The following SEC14L4 variants were observed in gnomAD, a reference collection of about 807,000 sequenced individuals.
SEC14L4 encodes SEC14-like protein 4.
SEC14L4 carries 42 observed loss-of-function variants against 55.1 expected under a neutral mutation model. That is an observed-to-expected ratio of 0.76 (90% CI 0.60 to 0.99). The LOEUF (loss-of-function observed/expected upper bound fraction) is 0.99, where lower values mean the gene tolerates loss of function less well. SEC14L4 is among the 50% of genes least tolerant of loss of function. SEC14L4 has a pLI of 0.00. For missense variants in SEC14L4, 445 were observed against 512.1 expected (o/e 0.87, Z 1.27); for synonymous variants, 206 against 206.8 (o/e 1.00, Z 0.03).
intron 1 of SEC14L4, among the ~76,000 whole-genome samples, chr22:30,503,986 T>C (rs1351524087): frequency 6.6e-6 from 1 of 152,102 alleles, no homozygotes; most frequent in African/African-American, 2.4e-5. Flanking sequence ...ACTCCCATTC[T>C]ACATGTCTAA....
In SEC14L4 at chr22:30,489,556, T is replaced by A; in HGVS notation, c.*551A>T. ...CGCCCAGTCCATTTCCAATTTTCCA[T>A]CCAGTGGTGGCAGAACAAACTTGGA... is the stretch of plus-strand genomic sequence containing the variant. On this transcript the variant is annotated 3_prime_UTR_variant, in exon 12 of 12. Coordinates refer to ENST00000255858, the MANE Select transcript of SEC14L4 (RefSeq NM_174977.4). 2.0e-6 allele frequency: 1 copy of A among 507,212 alleles called. No homozygotes were observed. The highest frequency in any genetic ancestry group is 3.5e-5 in the Admixed American group (1 of 28,342). 31.4% of individuals were successfully genotyped at this position (507,212 alleles called of 1,614,324 possible).
At chr22:30,495,553 A>G (rs1281593335) in intron 4 of SEC14L4, 30 bp downstream of exon 4, 4 of 1,613,308 alleles carry the variant, frequency 2.5e-6, no homozygotes, top group Non-Finnish European at 1.7e-6. Flanking sequence ...GGGGCCTCAG[A>G]TGGCCTGGGG....
chr22:30,504,887 C>T (rs932086320), intron 1 of SEC14L4, among the ~76,000 whole-genome samples: 3 of 152,050 alleles, frequency 2.0e-5, no homozygotes, highest in Non-Finnish European at 2.9e-5. Context: ...GAGGCCAAGG[C>T]GGATGGATCA....
chr22:30,493,854 A>G (rs1303143784), intron 7 of SEC14L4, among the ~76,000 whole-genome samples: 1 of 152,114 alleles, frequency 6.6e-6, no homozygotes, highest in Admixed American at 6.6e-5. Flanking sequence ...AAATACAAAA[A>G]TTAGCCAGGC....
In SEC14L4 at chr22:30,505,657, C is replaced by A; in HGVS notation, c.-46G>T. 6.7e-7 allele frequency: 1 copy of A among 1,501,568 alleles called. No homozygotes were observed. Among genetic ancestry groups the A allele is most frequent in the South Asian group, 1.2e-5 (1 of 80,158 alleles). 93.0% of individuals were successfully genotyped at this position (1,501,568 alleles called of 1,614,324 possible). Reference sequence around the variant, plus strand: ...GGCTCAGGGCGCAGGTCCGCCCGCCCGCCGCCGCCTGGCCTTGTATCCGCT... The same window carrying A: ...GGCTCAGGGCGCAGGTCCGCCCGCCAGCCGCCGCCTGGCCTTGTATCCGCT... On this transcript the variant is annotated 5_prime_UTR_variant, in exon 1 of 12. Transcript: ENST00000255858.
At chr22:30,490,370 C>T (rs920477886) in intron 11 of SEC14L4, 124 bp from the exon 12 acceptor site, 4 of 1,490,758 alleles carry the variant, frequency 2.7e-6, no homozygotes, top group African/African-American at 2.7e-5. Context: ...GTCCTGCATC[C>T]CTGGAACCCT....
intron 7 of SEC14L4, among the ~76,000 whole-genome samples, chr22:30,493,188 T>C (rs998820741): frequency 5.9e-5 from 9 of 152,100 alleles, no homozygotes. Context: ...GTCAGCAATA[T>C]TGATTCCCCA....
Position 30,498,918 on chromosome 22 carries a change from C to T in SEC14L4, c.131-2947G>A, listed in dbSNP as rs114548401. 5.0e-3 allele frequency among the ~76,000 whole-genome samples: 766 copies of T among 152,136 alleles called. 5 individuals carry two copies. The highest frequency in any genetic ancestry group is 0.017 in the African/African-American group (718 of 41,500). On this transcript the variant is annotated intron_variant, in intron 2 of 11. Transcript: ENST00000255858. ...TCTTGCACACCTAAGATAAACTTCC[C>T]TTGGTCACGCTGCATAATTATTATT...
chr22:30,492,402 A>G, intron 8 of SEC14L4, 72 bp downstream of exon 8: 1 of 1,407,534 alleles, frequency 7.1e-7, no homozygotes, highest in Non-Finnish European at 1.0e-6. Flanking sequence ...CGAGCCAGGG[A>G]GAAGCAGGGT....
At chr22:30,495,051 G>A (rs1346771253) in intron 5 of SEC14L4, 90 bp from the exon 6 acceptor site, 2 of 1,096,940 alleles carry the variant, frequency 1.8e-6, no homozygotes, top group African/African-American at 1.6e-5. Flanking sequence ...CCACCTTCCT[G>A]CCATCCCACC....
rs139943341 is a variant in SEC14L4, at chr22:30,502,631, T to A, written c.130+1046A>T. Among the ~76,000 whole-genome samples, 729 of 152,138 alleles carry A rather than the reference T, an allele frequency of 4.8e-3. 1 individual carries two copies. Among genetic ancestry groups the A allele is most frequent in the Non-Finnish European group, 8.3e-3 (561 of 67,984 alleles). On this transcript the variant is annotated intron_variant, in intron 2 of 11. Transcript: ENST00000255858. ...AGTGGTACAATCTCAGCTCACTGCATCCTCCACCTCCCAGGCTCAAGTGAT... is the reference window on the plus strand; with the variant it reads ...AGTGGTACAATCTCAGCTCACTGCAACCTCCACCTCCCAGGCTCAAGTGAT...
rs1936107423 is a variant in SEC14L4 at position 30,495,338 on chromosome 22, C to G, written c.339G>C (p.Leu113=). The stretch of plus-strand genomic sequence containing the variant: ...GGATCATATCCTGCTTGGAGGCTGA[C>G]AGCAGGAGACCCTTGGGGTCGAGGG... ...IGSLDPKGLL[L]SASKQDMIRK... is the part of the protein sequence containing the mutation. Residue 113 remains leucine, a synonymous_variant, in exon 5 of 12, where the codon CTG becomes CTC. Transcript: ENST00000255858. The G allele has an allele frequency of 5.6e-6, 9 of 1,613,896 alleles. No homozygotes were observed. The highest frequency in any genetic ancestry group is 7.6e-6 in the Non-Finnish European group (9 of 1,179,958).
chr22:30,494,295 C>G, intron 6 of SEC14L4, 85 bp from the exon 7 acceptor site: 1 of 1,006,056 alleles, frequency 9.9e-7, no homozygotes, highest in Non-Finnish European at 1.6e-6. Context: ...GCTGCTGAGA[C>G]AAGAGGCCCA....
At chr22:30,496,651 C>T (rs775350691) in intron 2 of SEC14L4, among the ~76,000 whole-genome samples, 1 of 152,088 alleles carries the variant, frequency 6.6e-6, no homozygotes, top group Non-Finnish European at 1.5e-5. Context: ...TAGTGTTGCC[C>T]TTTTATTTCC....
chr22:30,495,580 C>A lies in SEC14L4; in HGVS notation c.234+3G>T. The A allele has an allele frequency of 6.2e-7, 1 of 1,613,904 alleles. No individual in the cohort carries two copies. Among genetic ancestry groups the A allele is most frequent in the Non-Finnish European group, 8.5e-7 (1 of 1,180,000 alleles). Reference sequence around the variant, plus strand: ...GGCCTGGGGGATGCTGCTCGAGGCTCACCTCAGGGGGCTGCCATGTGACAA... The same window carrying A: ...GGCCTGGGGGATGCTGCTCGAGGCTAACCTCAGGGGGCTGCCATGTGACAA... On this transcript the variant is annotated splice_donor_region_variant and intron_variant, in intron 4 of 11. Coordinates refer to ENST00000255858, the MANE Select transcript of SEC14L4 (RefSeq NM_174977.4).
At chr22:30,505,000 C>T (rs1296194094) in intron 1 of SEC14L4, among the ~76,000 whole-genome samples, 13 of 151,776 alleles carry the variant, frequency 8.6e-5, no homozygotes, top group Non-Finnish European at 1.2e-4. Flanking sequence ...GGTGTGGTGG[C>T]GGGCACCTGT....
chr22:30,504,920 G>C (rs993527346), intron 1 of SEC14L4, among the ~76,000 whole-genome samples: 4 of 152,062 alleles, frequency 2.6e-5, no homozygotes, highest in African/African-American at 7.2e-5. Context: ...TTCGAGACCA[G>C]CCTGTCCAAG....
chr22:30,500,847 C>A (rs1936298347), intron 2 of SEC14L4, among the ~76,000 whole-genome samples: 1 of 132,134 alleles, frequency 7.6e-6, no homozygotes, highest in Non-Finnish European at 1.5e-5. Flanking sequence ...CCTGATGGAA[C>A]TGGCATCAGA....
chr22:30,501,275 A>C (rs12484347), intron 2 of SEC14L4, among the ~76,000 whole-genome samples: 5 of 152,190 alleles, frequency 3.3e-5, no homozygotes, highest in African/African-American at 9.6e-5. Flanking sequence ...ATGAGGTGGG[A>C]GGCATCAGGA....
Sources: allele counts gnomAD v4.1 joint callset (sites outside exome capture counted in the v4.1 genomes callset), GRCh38; gene constraint gnomAD v4.1.1; transcripts MANE v1.5; gene names NCBI Gene and HGNC (gene_info 2026-07-23, HGNC 2026-07-21).